Variants in UNK observed in about 807,000 individuals in gnomAD.
UNK encodes unk zinc finger.
A neutral mutation model predicts 97.6 loss-of-function variants in UNK; 32 were observed. That is an observed-to-expected ratio of 0.33 (90% CI 0.25 to 0.44). UNK has a LOEUF of 0.44. UNK is among the 20% of genes least tolerant of loss of function. The pLI is 1.00. For synonymous variants in UNK, 441 were observed against 461.2 expected (o/e 0.96, Z 0.56); for missense variants, 771 against 1,098.4 (o/e 0.70, Z 4.21).
At chr17:75,785,088 C>A (rs754577604) in intron 1 of UNK, 104 bp downstream of exon 1, 56 of 735,092 alleles carry the variant, frequency 7.6e-5, no homozygotes, top group African/African-American at 2.3e-4. Flanking sequence ...TTCCTCCCCC[C>A]CTTCCTCCTC....
intron 1 of UNK, among the ~76,000 whole-genome samples, chr17:75,807,848 C>T (rs894365874): frequency 6.6e-6 from 1 of 152,156 alleles, no homozygotes; most frequent in African/African-American, 2.4e-5. Flanking sequence ...CCCAGCTTCC[C>T]AAAGTGCTAG....
At chr17:75,810,039 TG>T (rs1365946638) in intron 2 of UNK, 70 bp downstream of exon 2, 9 of 1,572,216 alleles carry the variant, frequency 5.7e-6, no homozygotes, top group Non-Finnish European at 6.9e-6. Context: ...CAGGGTAGGC[TG>T]GGCAGATTCT....
chr17:75,819,863 G>C lies in UNK; in HGVS notation c.1649-57G>C. On this transcript the variant is annotated intron_variant, in intron 12 of 15. Transcript: ENST00000589666. The surrounding 1 kb of genome is among the most constrained non-coding windows in gnomAD (Gnocchi z 5.4). ...TGGCTCAGGCCCCTTGCTCTGTGTG[G>C]CCCGCCTGGCTTCCGCTGCCCTCAC... The C allele has an allele frequency of 6.2e-7, 1 of 1,603,958 alleles. No homozygotes were observed. Among genetic ancestry groups the C allele is most frequent in the Non-Finnish European group, 8.5e-7 (1 of 1,174,694 alleles).
intron 7 of UNK, among the ~76,000 whole-genome samples, chr17:75,815,926 T>C (rs1180760522): frequency 6.6e-6 from 1 of 151,822 alleles, no homozygotes; most frequent in East Asian, 1.9e-4. Flanking sequence ...AATTAAACAT[T>C]GGAAAATATG....
chr17:75,786,788 C>T (rs1051512443), intron 1 of UNK, among the ~76,000 whole-genome samples: 7 of 152,030 alleles, frequency 4.6e-5, no homozygotes, highest in African/African-American at 7.2e-5. Flanking sequence ...ACCCGGGAGG[C>T]GGAGGTGGCA....
chr17:75,824,206 C>A lies in UNK; in HGVS notation c.2278-56C>A. The stretch of plus-strand genomic sequence containing the variant: ...TGCAGTGAGGATCAAGGGAACTCCT[C>A]GCTCAACTTGGGGCCAGACCCATGG... On this transcript the variant is annotated intron_variant, in intron 15 of 15. Coordinates refer to ENST00000589666, the MANE Select transcript of UNK (RefSeq NM_001080419.3). The surrounding 1 kb of genome is among the most constrained non-coding windows in gnomAD (Gnocchi z 4.9). 2 of 1,500,762 alleles carry A rather than the reference C, an allele frequency of 1.3e-6. No individual in the cohort carries two copies. The highest frequency in any genetic ancestry group is 2.6e-5 in the East Asian group (1 of 38,254). 93.0% of individuals were successfully genotyped at this position (1,500,762 alleles called of 1,614,324 possible).
intron 13 of UNK, among the ~76,000 whole-genome samples, chr17:75,820,575 G>A (rs541763933): frequency 7.9e-5 from 12 of 152,312 alleles, no homozygotes; most frequent in African/African-American, 2.9e-4. Context: ...TTCCTGCCGG[G>A]CAGAGGCTCC....
At chr17:75,813,633 C>T (rs1356560444) in intron 5 of UNK, 128 bp from the exon 6 acceptor site, 1 of 784,596 alleles carries the variant, frequency 1.3e-6, no homozygotes, top group African/African-American at 1.7e-5. Flanking sequence ...ACCAGCAAGG[C>T]CCTGACTCTG....
intron 1 of UNK, 158 bp downstream of exon 1, chr17:75,785,142 A>G (rs887149461): frequency 3.9e-6 from 2 of 516,270 alleles, no homozygotes; most frequent in Non-Finnish European, 6.7e-6. Flanking sequence ...GCCGGTCCCA[A>G]CTGCCTCCAA....
Position 75,812,601 on chromosome 17 carries a change from C to A in UNK, c.622+16C>A, listed in dbSNP as rs539684639. 1.2e-6 allele frequency: 2 copies of A among 1,609,946 alleles called. No homozygotes were observed. The highest frequency in any genetic ancestry group is 2.7e-5 in the African/African-American group (2 of 74,858). On this transcript the variant is annotated intron_variant, in intron 4 of 15. Transcript: ENST00000589666. ...CGGTGGCAAGGTACAGGCATCCACA[C>A]CTCGGCCGCGCCCTCCCTATAATCC...
chr17:75,817,962 A>G lies in UNK; in HGVS notation c.1306-141A>G. 1.3e-6 allele frequency: 1 copy of G among 768,282 alleles called. No homozygotes were observed. Among genetic ancestry groups the G allele is most frequent in the Non-Finnish European group, 2.2e-6 (1 of 460,444 alleles). The allele number at this position is 768,282 out of a possible 1,614,324, so 47.6% of individuals were successfully genotyped here. Reference sequence around the variant, plus strand: ...GGAAGGGAGTAGGGGGTGGGGAGGAAGAAGGGGGTGTGTGCATGCATGTGA... The same window carrying G: ...GGAAGGGAGTAGGGGGTGGGGAGGAGGAAGGGGGTGTGTGCATGCATGTGA... On this transcript the variant is annotated intron_variant, in intron 9 of 15. Coordinates refer to ENST00000589666, the MANE Select transcript of UNK (RefSeq NM_001080419.3). This position sits in a 1 kb window ranked among gnomAD's most constrained non-coding sequence, Gnocchi z 5.8.
Position 75,819,238 on chromosome 17 carries a change from G to C in UNK, c.1546+422G>C, listed in dbSNP as rs2062044059. 2 of 231,858 alleles carry C rather than the reference G, an allele frequency of 8.6e-6. No individual in the cohort carries two copies. Among genetic ancestry groups the C allele is most frequent in the East Asian group, 2.4e-4 (2 of 8,164 alleles). The allele number at this position is 231,858 out of a possible 1,614,324, so 14.4% of individuals were successfully genotyped here. A position where few individuals can be genotyped will look rare whatever the true frequency, so the allele number is the denominator to read the frequency against. ...CAGGTCCTGTGGCAGGCACTGAGGA[G>C]ACAGATGACAACATGCTGCTCCTGC... On this transcript the variant is annotated intron_variant, in intron 11 of 15. Transcript: ENST00000589666. This position sits in a 1 kb window ranked among gnomAD's most constrained non-coding sequence, Gnocchi z 5.4.
chr17:75,823,258 C>T lies in UNK; in HGVS notation c.2020-7C>T. ...CATTGTGATGAGACTGTATGCTGGC[C>T]CCACAGGCTTGTGATGCCTGGAAGA... On this transcript the variant is annotated splice_polypyrimidine_tract_variant and splice_region_variant and intron_variant, in intron 14 of 15. Transcript: ENST00000589666. 6.3e-7 allele frequency: 1 copy of T among 1,592,010 alleles called. No individual in the cohort carries two copies. Among genetic ancestry groups the T allele is most frequent in the Admixed American group, 1.7e-5 (1 of 58,784 alleles).
intron 1 of UNK, among the ~76,000 whole-genome samples, chr17:75,799,355 A>G (rs76355239): frequency 0.022 from 3,422 of 152,288 alleles, 88 homozygotes; most frequent in African/African-American, 0.068. Flanking sequence ...ACCAATGACA[A>G]AAGAGCCAGA....
chr17:75,803,335 G>A (rs915085808), intron 1 of UNK, among the ~76,000 whole-genome samples: 6 of 152,140 alleles, frequency 3.9e-5, no homozygotes, highest in South Asian at 2.1e-4. Flanking sequence ...CCCGGGAGGC[G>A]GAGGTTGCAG....
At chr17:75,810,813 T>G (rs980561092) in intron 2 of UNK, among the ~76,000 whole-genome samples, 4 of 152,020 alleles carry the variant, frequency 2.6e-5, no homozygotes, top group African/African-American at 9.7e-5. Context: ...ATTTTGCATT[T>G]TTAGTAGAGA....
At chr17:75,792,134 C>T (rs1038237976) in intron 1 of UNK, 16 of 936,662 alleles carry the variant, frequency 1.7e-5, no homozygotes, top group African/African-American at 1.8e-5. Context: ...CAGACCTTTA[C>T]CTAAAGGTAA....
intron 1 of UNK, among the ~76,000 whole-genome samples, chr17:75,800,651 G>A (rs555647967): frequency 6.6e-6 from 1 of 151,422 alleles, no homozygotes; most frequent in African/African-American, 2.4e-5. Flanking sequence ...GCAGGAGAAT[G>A]GCATGAACCC....
Position 75,814,917 on chromosome 17 carries a change from G to GAT in UNK, c.877-251_877-250dup, listed in dbSNP as rs58556109. 6.2e-3 allele frequency among the ~76,000 whole-genome samples: 943 copies of GAT among 152,320 alleles called. 13 individuals carry two copies. The highest frequency in any genetic ancestry group is 0.022 in the African/African-American group (898 of 41,562). ...GCCCGTGAGTGGAGAGTCACTGGGGGATCCCTTTGGGAGGGCTGGTGGGAC... is the reference window on the plus strand; with the variant it reads ...GCCCGTGAGTGGAGAGTCACTGGGGGATATCCCTTTGGGAGGGCTGGTGGGAC... On this transcript the variant is annotated intron_variant, in intron 6 of 15. Coordinates refer to ENST00000589666, the MANE Select transcript of UNK (RefSeq NM_001080419.3).
Sources: gnomAD v4.1 joint callset for allele counts (sites outside exome capture counted in the v4.1 genomes callset) on GRCh38, gnomAD v4.1.1 for gene constraint, Gnocchi (gnomAD v3.1) non-coding constraint, MANE v1.5 for transcripts, NCBI Gene and HGNC (gene_info 2026-07-23, HGNC 2026-07-21) for gene names.